PDE6C: variants seen among roughly 807,000 people sequenced by gnomAD.
PDE6C encodes the protein phosphodiesterase 6C.
Under a neutral mutation model 113.1 loss-of-function variants are expected in PDE6C, and 75 were observed. That is an observed-to-expected ratio of 0.66 (90% CI 0.55 to 0.80). The LOEUF (loss-of-function observed/expected upper bound fraction) is 0.80, where lower values mean the gene tolerates loss of function less well. PDE6C is among the 30% of genes least tolerant of loss of function. The probability of loss-of-function intolerance (pLI) is 0.00; values close to 1 mark genes in which losing one functional copy is unlikely to be tolerated. For synonymous variants in PDE6C, 375 were observed against 363.7 expected (o/e 1.03, Z -0.35); for missense variants, 912 against 1,038.6 (o/e 0.88, Z 1.67).
At chr10:93,639,388 G>A (rs1045326735) in intron 11 of PDE6C, among the ~76,000 whole-genome samples, 6 of 152,080 alleles carry the variant, frequency 3.9e-5, no homozygotes, top group East Asian at 1.9e-4. Flanking sequence ...TTCTCAAGTC[G>A]CACCAATGCC....
chr10:93,635,388 G>A, intron 9 of PDE6C, 109 bp from the exon 10 acceptor site: 1 of 816,344 alleles, frequency 1.2e-6, no homozygotes, highest in South Asian at 1.4e-5. Flanking sequence ...AGAAGGAATG[G>A]GGTGGTTGAT....
intron 1 of PDE6C, 48 bp from the exon 2 acceptor site, chr10:93,620,584 C>T (rs1330409399): frequency 6.3e-7 from 1 of 1,591,006 alleles, no homozygotes; most frequent in African/African-American, 1.3e-5. Flanking sequence ...AGATCTACCA[C>T]TCTATGATTT....
At chr10:93,627,480 G>A (rs945148151) in intron 7 of PDE6C, among the ~76,000 whole-genome samples, 1 of 152,044 alleles carries the variant, frequency 6.6e-6, no homozygotes, top group Non-Finnish European at 1.5e-5. Flanking sequence ...ATGATTTAAT[G>A]ACTGGGTTTA....
chr10:93,617,167 G>A (rs2058423902), intron 1 of PDE6C, among the ~76,000 whole-genome samples: 1 of 152,108 alleles, frequency 6.6e-6, no homozygotes. Context: ...TCTAAACAAT[G>A]TTCTCCAGCT....
intron 7 of PDE6C, among the ~76,000 whole-genome samples, chr10:93,627,654 T>C (rs1281041241): frequency 6.6e-6 from 1 of 152,198 alleles, no homozygotes; most frequent in Non-Finnish European, 1.5e-5. Context: ...CATAATGTTC[T>C]TCAAAGAAAG....
At chr10:93,617,216 A>G (rs2058424160) in intron 1 of PDE6C, among the ~76,000 whole-genome samples, 1 of 152,184 alleles carries the variant, frequency 6.6e-6, no homozygotes, top group Non-Finnish European at 1.5e-5. Flanking sequence ...CAAGGGACAC[A>G]CGCAGGATTT....
chr10:93,622,662 G>GTTTTTTTTTTTTTTTTT (rs2058453827), intron 4 of PDE6C, among the ~76,000 whole-genome samples: 1 of 49,748 alleles, frequency 2.0e-5, no homozygotes, highest in African/African-American at 9.6e-5. Context: ...TTTTTTTTTT[G>GTTTTTTTTTTTTTTTTT]TTGTTTTTTT....
At chr10:93,615,722 A>G (rs1589691628) in intron 1 of PDE6C, among the ~76,000 whole-genome samples, 1 of 152,218 alleles carries the variant, frequency 6.6e-6, no homozygotes, top group Non-Finnish European at 1.5e-5. Flanking sequence ...AGCTACTTCT[A>G]ATATGCAGCC....
chr10:93,619,718 G>T (rs1046620800), intron 1 of PDE6C, among the ~76,000 whole-genome samples: 7 of 152,088 alleles, frequency 4.6e-5, no homozygotes, highest in African/African-American at 1.7e-4. Flanking sequence ...GAACCACCCC[G>T]CCCAGCCTCA....
chr10:93,636,868 AG>A, intron 10 of PDE6C, 126 bp from the exon 11 acceptor site: 1 of 675,870 alleles, frequency 1.5e-6, no homozygotes, highest in East Asian at 2.8e-5. Flanking sequence ...CCTGGGCTCC[AG>A]GGATCTTCCC....
chr10:93,620,986 A>G lies in PDE6C; in HGVS notation c.723+6A>G, dbSNP rs193124699. Reference sequence around the variant, plus strand: ...TTGAATCCCGAAGAAGCCAGGTAAAAGGAAGGCAGCATTAGTCATTCCATG... The same window carrying G: ...TTGAATCCCGAAGAAGCCAGGTAAAGGGAAGGCAGCATTAGTCATTCCATG... On this transcript the variant is annotated splice_donor_region_variant and intron_variant, in intron 3 of 21. Coordinates refer to ENST00000371447, the MANE Select transcript of PDE6C (RefSeq NM_006204.4). The G allele has an allele frequency of 1.9e-6, 3 of 1,609,280 alleles. No individual in the cohort carries two copies. The Admixed American group carries it at 5.0e-5, about 27-fold the overall frequency.
At chr10:93,614,793 C>T (rs758961944) in intron 1 of PDE6C, among the ~76,000 whole-genome samples, 19 of 152,042 alleles carry the variant, frequency 1.2e-4, no homozygotes, top group Non-Finnish European at 2.1e-4. Flanking sequence ...ACGGCATGGA[C>T]GGAGCACTTC....
chr10:93,655,847 G>A lies in PDE6C; in HGVS notation c.2023G>A (p.Ala675Thr). ...GGTCGCAATAATAGCAACTGACCTGGCTTTATATTTCAAGTAAGTACATAA... is the reference window on the plus strand; with the variant it reads ...GGTCGCAATAATAGCAACTGACCTGACTTTATATTTCAAGTAAGTACATAA... Reference protein sequence around the residue: ...FEVAIIATDLALYFKKRTMFQ... With the variant: ...FEVAIIATDLTLYFKKRTMFQ... Residue 675 changes from alanine (A) to threonine (T), a missense_variant, in exon 16 of 22, where the codon GCT becomes ACT. Physicochemically the swap from Ala to Thr is moderately conservative, Grantham distance 58. Coordinates refer to ENST00000371447, the MANE Select transcript of PDE6C (RefSeq NM_006204.4). 1.3e-6 allele frequency: 2 copies of A among 1,564,918 alleles called. No homozygotes were observed. Among genetic ancestry groups the A allele is most frequent in the Non-Finnish European group, 1.8e-6 (2 of 1,135,176 alleles).
At chr10:93,636,385 T>TGTGTGTGTGTGTGC in intron 10 of PDE6C, among the ~76,000 whole-genome samples, 1 of 149,332 alleles carries the variant, frequency 6.7e-6, no homozygotes, top group African/African-American at 2.5e-5. Flanking sequence ...TGTGTGTGTG[T>TGTGTGTGTGTGTGC]GTGTGTGTGT....
rs1256582947 is a variant in PDE6C at position 93,622,089 on chromosome 10, A to C, written c.864+17A>C. 1 of 1,612,642 alleles carries C rather than the reference A, an allele frequency of 6.2e-7. No homozygotes were observed. The highest frequency in any genetic ancestry group is 8.5e-7 in the Non-Finnish European group (1 of 1,179,406). On this transcript the variant is annotated intron_variant, in intron 4 of 21. Transcript: ENST00000371447. ...AAGGAGAAGGTTCTTATTATTCTACACATTTTGTCTCATCTCACATCGCCT... is the reference window on the plus strand; with the variant it reads ...AAGGAGAAGGTTCTTATTATTCTACCCATTTTGTCTCATCTCACATCGCCT...
At chr10:93,649,169 C>T (rs1275250495) in intron 15 of PDE6C, among the ~76,000 whole-genome samples, 1 of 152,100 alleles carries the variant, frequency 6.6e-6, no homozygotes. Flanking sequence ...AGATTCTTTC[C>T]GTGAGCAAAT....
At position 93,620,791 on chromosome 10, in the gene PDE6C, C is replaced by T; in HGVS notation, c.633+7C>T. 6.2e-7 allele frequency: 1 copy of T among 1,614,090 alleles called. No individual in the cohort carries two copies. The highest frequency in any genetic ancestry group is 8.5e-7 in the Non-Finnish European group (1 of 1,179,958). On this transcript the variant is annotated splice_region_variant and intron_variant, in intron 2 of 21. Transcript: ENST00000371447. ...TTCCAAACAGGATGAAGAGGTAATG[C>T]TAACCCTGGGCATCTGGTTGGAGGC...
intron 15 of PDE6C, 90 bp downstream of exon 15, chr10:93,646,137 A>T: frequency 1.3e-6 from 1 of 770,076 alleles, no homozygotes; most frequent in Non-Finnish European, 2.3e-6. Flanking sequence ...GGTGGCCTTG[A>T]GTTACAGCAG....
intron 14 of PDE6C, among the ~76,000 whole-genome samples, 154 bp downstream of exon 14, chr10:93,641,183 C>T (rs1218685692): frequency 3.9e-5 from 6 of 152,156 alleles, no homozygotes; most frequent in Non-Finnish European, 8.8e-5. Flanking sequence ...CCCAAGCTTC[C>T]GCCTTCACGA....
Sources: allele counts gnomAD v4.1 joint callset (sites outside exome capture counted in the v4.1 genomes callset), GRCh38; gene constraint gnomAD v4.1.1; transcripts MANE v1.5; gene names NCBI Gene and HGNC (gene_info 2026-07-23, HGNC 2026-07-21).